Variants in PHF13 observed in about 807,000 individuals in gnomAD.
The protein encoded by PHF13 is PHD zinc finger protein PHF5.
A neutral mutation model predicts 25.8 loss-of-function variants in PHF13; 1 was observed. The observed-to-expected ratio is 0.04, with a 90% CI of 0.01 to 0.18. PHF13 has a LOEUF of 0.18. Among genes scored for constraint, PHF13 ranks in the 10% least tolerant of loss-of-function variants. PHF13 has a pLI of 1.00. For missense variants in PHF13, 306 were observed against 403.2 expected (o/e 0.76, Z 2.06); for synonymous variants, 195 against 162.4 (o/e 1.20, Z -1.53).
chr1:6,618,320 A>G (rs1409509998), intron 2 of PHF13, among the ~76,000 whole-genome samples: 3 of 152,154 alleles, frequency 2.0e-5, no homozygotes, highest in African/African-American at 7.2e-5. Flanking sequence ...TTTAGTAGAT[A>G]CAAGGTTTCG....
intron 1 of PHF13, chr1:6,614,440 G>T (rs1256374133): frequency 9.4e-6 from 3 of 319,116 alleles, no homozygotes; most frequent in South Asian, 8.1e-5. Flanking sequence ...CTCCCCGCCG[G>T]CCTGCTTACT....
chr1:6,618,539 G>A (rs1222796992), intron 2 of PHF13, among the ~76,000 whole-genome samples: 1 of 152,238 alleles, frequency 6.6e-6, no homozygotes, highest in Non-Finnish European at 1.5e-5. Context: ...TTACAGGCAC[G>A]AGCCACTGTG....
intron 2 of PHF13, among the ~76,000 whole-genome samples, chr1:6,617,399 C>T (rs1324295261): frequency 6.7e-6 from 1 of 148,932 alleles, no homozygotes; most frequent in Non-Finnish European, 1.5e-5. Context: ...AGTAAACTTT[C>T]AGTTTATTTA....
rs1464682883 is a variant in PHF13, at chr1:6,620,041, G to C, written c.380G>C (p.Ser127Thr). The C allele has an allele frequency of 1.2e-6, 2 of 1,613,762 alleles. No homozygotes were observed. The highest frequency in any genetic ancestry group is 2.2e-5 in the East Asian group (1 of 44,852). ...AAGAAGAAGAGGAAGCGCAGGGACAGTGATGCGCCTGGGAAAGAGGGGTAC... is the reference window on the plus strand; with the variant it reads ...AAGAAGAAGAGGAAGCGCAGGGACACTGATGCGCCTGGGAAAGAGGGGTAC... ...KKKKKRKRRD[S>T]DAPGKEGYRG... Residue 127 changes from serine to threonine, a missense_variant, in exon 3 of 4, where the codon AGT becomes ACT. By Grantham distance (58) the Ser-to-Thr change is moderately conservative. Transcript: ENST00000377648.
intron 1 of PHF13, among the ~76,000 whole-genome samples, chr1:6,615,798 A>G (rs1183138160): frequency 2.0e-5 from 3 of 152,166 alleles, no homozygotes; most frequent in Non-Finnish European, 4.4e-5. Flanking sequence ...ACCCGCGAGC[A>G]AAAACCTCCA....
chr1:6,614,089 C>T lies in PHF13; in HGVS notation c.23C>T (p.Ala8Val), dbSNP rs780801484. ...AACATGGACTCTGACTCTTGCGCCG[C>T]CGCCTTCCACCCGGAGGTGAGTGAA... is the stretch of plus-strand genomic sequence containing the variant. MDSDSCA[A>V]AFHPEEYSPS... The change falls in exon 1 of 4, where the codon GCC becomes GTC. Residue 8 changes from alanine (A) to valine (V), a missense_variant. Around this residue, in one of 5 missense-constraint regions of PHF13, gnomAD observed 31 missense variants for 23.9 expected, o/e 1.30. Coordinates refer to ENST00000377648, the MANE Select transcript of PHF13 (RefSeq NM_153812.3). 4 of 1,600,464 alleles carry T rather than the reference C, an allele frequency of 2.5e-6. No individual in the cohort carries two copies. In the Admixed American group the frequency reaches 6.7e-5, roughly 27 times the overall value.
chr1:6,614,319 C>T (rs1557443544), intron 1 of PHF13: 10 of 533,102 alleles, frequency 1.9e-5, no homozygotes, highest in Non-Finnish European at 3.3e-5. Context: ...CTCCGCGGAC[C>T]TCCGCGTCCT....
chr1:6,618,605 C>T (rs968160436), intron 2 of PHF13, among the ~76,000 whole-genome samples: 1 of 152,170 alleles, frequency 6.6e-6, no homozygotes, highest in African/African-American at 2.4e-5. Flanking sequence ...GGTTTATTTC[C>T]ATCTGCTACA....
chr1:6,617,420 A>G (rs1273902525), intron 2 of PHF13, among the ~76,000 whole-genome samples: 1 of 149,120 alleles, frequency 6.7e-6, no homozygotes, highest in Non-Finnish European at 1.5e-5. Flanking sequence ...CAAATAAAAT[A>G]TGTGATATTT....
In PHF13 at chr1:6,622,552, G is replaced by C. The variant is rs909561233; in HGVS notation, c.*915G>C. 1.3e-5 allele frequency: 2 copies of C among 152,486 alleles called. No homozygotes were observed. Among genetic ancestry groups the C allele is most frequent in the Admixed American group, 1.3e-4 (2 of 15,292 alleles). The allele number at this position is 152,486 out of a possible 1,614,324, so 9.4% of individuals were successfully genotyped here. A position where few individuals can be genotyped will look rare whatever the true frequency, so the allele number is the denominator to read the frequency against. On this transcript the variant is annotated 3_prime_UTR_variant, in exon 4 of 4. Coordinates refer to ENST00000377648, the MANE Select transcript of PHF13 (RefSeq NM_153812.3). ...CAGCATAAAGGTTAGGCAATCACTG[G>C]GACCCGCATGGTGTTCCTCCAAAGA...
In PHF13 at chr1:6,621,614, T is replaced by C. The variant is rs907141098; in HGVS notation, c.880T>C (p.Ser294Pro). Residue 294 changes from serine to proline, a missense_variant, in exon 4 of 4, where the codon TCC becomes CCC. Physicochemically the swap from Ser to Pro is moderately conservative, Grantham distance 74. Coordinates refer to ENST00000377648, the MANE Select transcript of PHF13 (RefSeq NM_153812.3). The surrounding 1 kb of genome is among the most constrained non-coding windows in gnomAD (Gnocchi z 4.8). The stretch of plus-strand genomic sequence containing the variant: ...CCGTTCCAACCGCTCGCGGACGGGC[T>C]CCCGGAAGCTGTTCCTGGACTGACT... The part of the protein sequence containing the change: ...IRRSNRSRTG[S>P]RKLFLD The C allele has an allele frequency of 5.0e-6, 8 of 1,614,136 alleles. No homozygotes were observed. The highest frequency in any genetic ancestry group is 6.8e-6 in the Non-Finnish European group (8 of 1,180,024).
At chr1:6,617,940 T>C (rs1331637528) in intron 2 of PHF13, among the ~76,000 whole-genome samples, 1 of 152,156 alleles carries the variant, frequency 6.6e-6, no homozygotes, top group Non-Finnish European at 1.5e-5. Context: ...CTGGACTCAG[T>C]GCACACGCTG....
Position 6,620,125 on chromosome 1 carries a change from C to T in PHF13, c.464C>T (p.Pro155Leu). The change falls in exon 3 of 4, where the codon CCC becomes CTC. Residue 155 changes from proline (P) to leucine (L), a missense_variant. Physicochemically the swap from Pro to Leu is moderately conservative, Grantham distance 98 (BLOSUM62 -3). This residue lies in a region of PHF13 where 186 missense variants were observed against 164.0 expected (regional missense o/e 1.13). Coordinates refer to ENST00000377648, the MANE Select transcript of PHF13 (RefSeq NM_153812.3). ...ADPYVETPTS[P>L]TLQDIPQAPS... ...CCCTACGTGGAGACCCCCACGAGTC[C>T]CACCTTGCAGGATATCCCCCAGGCT... is the stretch of plus-strand genomic sequence containing the variant. The T allele has an allele frequency of 6.2e-7, 1 of 1,613,664 alleles. No individual in the cohort carries two copies. The highest frequency in any genetic ancestry group is 8.5e-7 in the Non-Finnish European group (1 of 1,180,022).
At chr1:6,614,223 C>G in intron 1 of PHF13, 118 bp downstream of exon 1, 1 of 798,734 alleles carries the variant, frequency 1.3e-6, no homozygotes, top group Non-Finnish European at 2.0e-6. Context: ...CCGCTTTCCC[C>G]TCGTCGGCCC....
At chr1:6,614,452 T>G in intron 1 of PHF13, 1 of 242,726 alleles carries the variant, frequency 4.1e-6, no homozygotes. Flanking sequence ...CTGCTTACTC[T>G]TTCCCCGCCC....
At chr1:6,615,276 C>T (rs1388280752) in intron 1 of PHF13, among the ~76,000 whole-genome samples, 1 of 152,144 alleles carries the variant, frequency 6.6e-6, no homozygotes, top group Non-Finnish European at 1.5e-5. Flanking sequence ...GGTTCCCCGC[C>T]GAAAGAAAAG....
At position 6,619,877 on chromosome 1, in the gene PHF13, G is replaced by A. The variant is rs761732279; in HGVS notation, c.216G>A (p.Ala72=). The part of the protein sequence containing the change: ...AGTIDSDGWD[A]GFSDIASSVP... ...CCATTGACAGCGACGGCTGGGACGC[G>A]GGTTTCTCAGACATCGCGTCCTCAG... The change falls in exon 3 of 4, where the codon GCG becomes GCA. Residue 72 remains alanine (A), a synonymous_variant. Transcript: ENST00000377648. 7.2e-5 allele frequency: 116 copies of A among 1,613,714 alleles called. No homozygotes were observed. Among genetic ancestry groups the A allele is most frequent in the Non-Finnish European group, 9.1e-5 (107 of 1,180,022 alleles).
chr1:6,620,082 A>C lies in PHF13; in HGVS notation c.421A>C (p.Lys141Gln). 2 of 1,613,384 alleles carry C rather than the reference A, an allele frequency of 1.2e-6. No individual in the cohort carries two copies. Among genetic ancestry groups the C allele is most frequent in the South Asian group, 1.1e-5 (1 of 91,084 alleles). Reference protein sequence around the residue: ...GKEGYRGGLLKLEAADPYVET... With the variant: ...GKEGYRGGLLQLEAADPYVET... ...AGAGGGGTACAGGGGGGGCTTGCTG[A>C]AGCTGGAAGCCGCTGACCCCTACGT... The change falls in exon 3 of 4, where the codon AAG (lysine) becomes CAG (glutamine). Residue 141 changes from lysine to glutamine, a missense_variant. Physicochemically the swap from Lys to Gln is moderately conservative, Grantham distance 53. Coordinates refer to ENST00000377648, the MANE Select transcript of PHF13 (RefSeq NM_153812.3).
In PHF13 at chr1:6,620,057, A is replaced by G. The variant is rs764151598; in HGVS notation, c.396A>G (p.Lys132=). 6.2e-7 allele frequency: 1 copy of G among 1,613,616 alleles called. No homozygotes were observed. The highest frequency in any genetic ancestry group is 8.5e-7 in the Non-Finnish European group (1 of 1,180,000). The part of the protein sequence containing the change: ...RKRRDSDAPG[K]EGYRGGLLKL... Reference sequence around the variant, plus strand: ...GCAGGGACAGTGATGCGCCTGGGAAAGAGGGGTACAGGGGGGGCTTGCTGA... The same window carrying G: ...GCAGGGACAGTGATGCGCCTGGGAAGGAGGGGTACAGGGGGGGCTTGCTGA... Residue 132 remains lysine, a synonymous_variant, in exon 3 of 4, where the codon AAA becomes AAG. Transcript: ENST00000377648.
Sources: gnomAD v4.1 joint callset for allele counts (sites outside exome capture counted in the v4.1 genomes callset) on GRCh38, gnomAD v4.1.1 for gene constraint, gnomAD v4.1.1 regional missense constraint, Gnocchi (gnomAD v3.1) non-coding constraint, MANE v1.5 for transcripts, NCBI Gene and HGNC (gene_info 2026-07-23, HGNC 2026-07-21) for gene names.